Variants in GRIP1 observed in about 807,000 individuals in gnomAD.
The protein encoded by GRIP1 is glutamate receptor interacting protein 1.
Under a neutral mutation model 129.9 loss-of-function variants are expected in GRIP1, and 45 were observed. The observed-to-expected ratio is 0.35, with a 90% CI of 0.27 to 0.44. The LOEUF (loss-of-function observed/expected upper bound fraction) is 0.44, where lower values mean the gene tolerates loss of function less well. GRIP1 is among the 20% of genes least tolerant of loss of function. The pLI, the probability that GRIP1 is intolerant of heterozygous loss-of-function variation, is 1.00. For synonymous variants in GRIP1, 530 were observed against 520.8 expected (o/e 1.02, Z -0.24); for missense variants, 1,196 against 1,396.8 (o/e 0.86, Z 2.29).
intron 1 of GRIP1, among the ~76,000 whole-genome samples, chr12:66,840,493 T>C (rs769024729): frequency 3.8e-4 from 58 of 152,284 alleles, no homozygotes; most frequent in Non-Finnish European, 7.6e-4. Context: ...ACAAGATCAT[T>C]AGACAACGAC....
intron 1 of GRIP1, among the ~76,000 whole-genome samples, chr12:66,634,014 C>T (rs981881174): frequency 8.5e-5 from 13 of 152,114 alleles, no homozygotes; most frequent in East Asian, 5.8e-4. Context: ...GGTTTATGTT[C>T]GACTTCAAGA....
intron 7 of GRIP1, among the ~76,000 whole-genome samples, chr12:66,488,973 TAATA>T: frequency 6.6e-6 from 1 of 152,288 alleles, no homozygotes; most frequent in East Asian, 1.9e-4. Context: ...ATTTAGTCCG[TAATA>T]AATAGCCTAC....
At chr12:66,933,946 T>A (rs1336234208) in intron 1 of GRIP1, among the ~76,000 whole-genome samples, 1 of 152,176 alleles carries the variant, frequency 6.6e-6, no homozygotes, top group African/African-American at 2.4e-5. Context: ...TCTAACAGAA[T>A]CTCTTTTTTT....
chr12:66,596,705 TTGTAGAA>T, intron 2 of GRIP1, 135 bp downstream of exon 2: 1 of 669,594 alleles, frequency 1.5e-6, no homozygotes, highest in South Asian at 1.7e-5. Flanking sequence ...TGAACAAGTG[TTGTAGAA>T]TTCAGTCTAT....
chr12:66,873,074 C>A (rs2040323224), intron 1 of GRIP1, among the ~76,000 whole-genome samples: 1 of 152,076 alleles, frequency 6.6e-6, no homozygotes, highest in East Asian at 1.9e-4. Context: ...GTGGCCTCTC[C>A]TGTCTTGGCT....
At chr12:66,710,270 A>G (rs964466712) in intron 1 of GRIP1, among the ~76,000 whole-genome samples, 3 of 151,924 alleles carry the variant, frequency 2.0e-5, no homozygotes. Context: ...AACAAAATGC[A>G]CTCTGCCCTT....
At chr12:66,813,789 A>G (rs1158623594) in intron 1 of GRIP1, among the ~76,000 whole-genome samples, 1 of 152,218 alleles carries the variant, frequency 6.6e-6, no homozygotes, top group African/African-American at 2.4e-5. Context: ...CAGGCTTTCC[A>G]GGCCCAGATA....
At chr12:66,355,306 G>A (rs575076476) in intron 23 of GRIP1, among the ~76,000 whole-genome samples, 1 of 151,954 alleles carries the variant, frequency 6.6e-6, no homozygotes, top group Non-Finnish European at 1.5e-5. Context: ...ACAGGATAGA[G>A]TGATAAAAAA....
upstream of GRIP1, among the ~76,000 whole-genome samples, chr12:67,069,329 C>CGGCCGGGCCG (rs1164300802): frequency 1.7e-4 from 19 of 110,182 alleles, no homozygotes; most frequent in African/African-American, 5.8e-4. Context: ...GCGGCGGCGG[C>CGGCCGGGCCG]GGCCGGGCCG....
At chr12:66,897,302 C>T (rs2040766685) in intron 1 of GRIP1, among the ~76,000 whole-genome samples, 1 of 152,202 alleles carries the variant, frequency 6.6e-6, no homozygotes, top group African/African-American at 2.4e-5. Flanking sequence ...AAGAATCACA[C>T]TCCCCTACTT....
chr12:66,685,841 T>C (rs552293717), intron 1 of GRIP1, among the ~76,000 whole-genome samples: 6 of 152,220 alleles, frequency 3.9e-5, no homozygotes, highest in Non-Finnish European at 8.8e-5. Context: ...TTTTTCTGTT[T>C]ATTGTCTGCT....
At chr12:66,948,282 C>G (rs1366427902) in intron 1 of GRIP1, among the ~76,000 whole-genome samples, 2 of 152,174 alleles carry the variant, frequency 1.3e-5, no homozygotes, top group Non-Finnish European at 2.9e-5. Context: ...TTTTTAGCAA[C>G]CTTCTCAGAC....
intron 1 of GRIP1, among the ~76,000 whole-genome samples, chr12:66,839,653 A>G (rs2039679362): frequency 6.6e-6 from 1 of 152,238 alleles, no homozygotes; most frequent in Non-Finnish European, 1.5e-5. Flanking sequence ...TTCAAAGGCC[A>G]AAAAAGAAAA....
intron 2 of GRIP1, among the ~76,000 whole-genome samples, chr12:66,578,606 T>A (rs2063235182): frequency 6.6e-6 from 1 of 152,126 alleles, no homozygotes; most frequent in East Asian, 1.9e-4. Context: ...GGAGATTATA[T>A]CCCGCACCTG....
intron 1 of GRIP1, among the ~76,000 whole-genome samples, chr12:66,844,927 GA>G (rs1287344692): frequency 1.3e-5 from 2 of 152,124 alleles, no homozygotes; most frequent in African/African-American, 4.8e-5. Context: ...CATAGAGACA[GA>G]AAATAGAATG....
intron 1 of GRIP1, among the ~76,000 whole-genome samples, chr12:66,791,807 T>C (rs1048954494): frequency 4.6e-5 from 7 of 152,290 alleles, no homozygotes; most frequent in Admixed American, 1.3e-4. Context: ...ACCCAATATG[T>C]AGTTTTCTAT....
intron 1 of GRIP1, among the ~76,000 whole-genome samples, chr12:66,605,623 C>T (rs1304650285): frequency 2.0e-5 from 3 of 152,174 alleles, no homozygotes; most frequent in Non-Finnish European, 2.9e-5. Flanking sequence ...TTAATGCTCT[C>T]ACCTGTTGCT....
rs575248151 is a variant in GRIP1 at position 66,566,156 on chromosome 12, A to G, written c.137-24206T>C. ...TGCCCTGGCCAGAACTTCCAACACT[A>G]TGTTGAACAGGAGTGGTGAGAGAGG... On this transcript the variant is annotated intron_variant, in intron 2 of 24. Coordinates refer to ENST00000359742, the MANE Select transcript of GRIP1 (RefSeq NM_001366722.1). Among the ~76,000 whole-genome samples the G allele has an allele frequency of 3.9e-5, 6 of 152,286 alleles. No homozygotes were observed. In the South Asian group the frequency reaches 1.2e-3, roughly 32 times the overall value.
chr12:66,949,543 CTATTT>C (rs1363842532), intron 1 of GRIP1, among the ~76,000 whole-genome samples: 5 of 152,074 alleles, frequency 3.3e-5, no homozygotes, highest in African/African-American at 9.7e-5. Context: ...AAAAAAGTAT[CTATTT>C]TCTCTTTCTT....
Sources: allele counts gnomAD v4.1 joint callset (sites outside exome capture counted in the v4.1 genomes callset), GRCh38; gene constraint gnomAD v4.1.1; transcripts MANE v1.5; gene names NCBI Gene and HGNC (gene_info 2026-07-23, HGNC 2026-07-21).